Variants in ANO6 observed in about 807,000 individuals in gnomAD.
ANO6 encodes the protein anoctamin 6, also known as anoctamin-6.
In ANO6, 106 loss-of-function variants were observed where a neutral mutation model predicts 117.5. The observed-to-expected ratio is 0.90, with a 90% CI of 0.77 to 1.06. ANO6 has a LOEUF of 1.06. Ranked by LOEUF, ANO6 falls within the 50% of genes least tolerant of loss-of-function variation. ANO6 has a pLI of 0.00. For synonymous variants in ANO6, 367 were observed against 385.1 expected, an observed-to-expected ratio of 0.95 and a Z score of 0.55; for missense variants, 955 against 1,121.1, an observed-to-expected ratio of 0.85 and a Z score of 2.12.
intron 1 of ANO6, among the ~76,000 whole-genome samples, chr12:45,235,161 G>A (rs1301918247): frequency 6.6e-6 from 1 of 152,226 alleles, no homozygotes; most frequent in African/African-American, 2.4e-5. Flanking sequence ...CCTCTCCAAT[G>A]TGGTGCTACT....
At chr12:45,228,364 CTT>C (rs1003674992) in intron 1 of ANO6, 3 of 231,500 alleles carry the variant, frequency 1.3e-5, no homozygotes, top group Non-Finnish European at 2.4e-5. Flanking sequence ...GTCCCAAACT[CTT>C]GGGCTCAAGC....
At position 45,421,275 on chromosome 12, in the gene ANO6, C is replaced by G; in HGVS notation, c.2420+2C>G. 6.2e-7 allele frequency: 1 copy of G among 1,613,692 alleles called. No homozygotes were observed. Among genetic ancestry groups the G allele is most frequent in the Non-Finnish European group, 8.5e-7 (1 of 1,179,730 alleles). On this transcript the variant is annotated splice_donor_variant, in intron 18 of 19. Coordinates refer to ENST00000320560, the MANE Select transcript of ANO6 (RefSeq NM_001025356.3). LOFTEE classifies it high-confidence loss of function. ...CCTGGGTAACCATACCACATGCAGG[C>G]AAGTTCTGCTTTACTTGTTTAAAAA...
chr12:45,363,969 G>GACTAATATAGCAGGTCTCTGCCA (rs1318065555), intron 8 of ANO6, among the ~76,000 whole-genome samples: 10 of 152,198 alleles, frequency 6.6e-5, no homozygotes, highest in Non-Finnish European at 1.3e-4. Flanking sequence ...TGTGAAAACA[G>GACTAATATAGCAGGTCTCTGCCA]ACTAATATAG....
exon 20 of ANO6, chr12:45,439,699 G>A: frequency 1.3e-6 from 2 of 1,515,380 alleles, no homozygotes; most frequent in Non-Finnish European, 1.8e-6. Flanking sequence ...GCCCAGGCTG[G>A]GACACAGTGG....
At chr12:45,287,458 A>G (rs914482932) in intron 1 of ANO6, among the ~76,000 whole-genome samples, 2 of 152,210 alleles carry the variant, frequency 1.3e-5, no homozygotes, top group Non-Finnish European at 2.9e-5. Flanking sequence ...ATGCGTTCAT[A>G]TATGAAAAGG....
intron 1 of ANO6, among the ~76,000 whole-genome samples, chr12:45,290,650 C>T (rs1939064221): frequency 6.6e-6 from 1 of 152,194 alleles, no homozygotes; most frequent in African/African-American, 2.4e-5. Context: ...TATAGAATAT[C>T]AGCTGTCTAA....
chr12:45,430,939 A>G lies in ANO6; in HGVS notation c.*1628A>G, dbSNP rs1943616998. 6 of 985,324 alleles carry G rather than the reference A, an allele frequency of 6.1e-6. No individual in the cohort carries two copies. Among genetic ancestry groups the G allele is most frequent in the Admixed American group, 6.1e-5 (1 of 16,264 alleles). The allele number at this position is 985,324 out of a possible 1,614,324, so 61.0% of individuals were successfully genotyped here. The stretch of plus-strand genomic sequence containing the variant: ...ATGCTGTTAAACACCAGAGGAGCCA[A>G]CCTATCAGAATCCCAGCAGCAAAGG... On this transcript the variant is annotated 3_prime_UTR_variant, in exon 20 of 20. Coordinates refer to ENST00000320560, the MANE Select transcript of ANO6 (RefSeq NM_001025356.3).
downstream of ANO6, among the ~76,000 whole-genome samples, chr12:45,435,008 C>G (rs1242275033): frequency 6.6e-6 from 1 of 152,202 alleles, no homozygotes; most frequent in Non-Finnish European, 1.5e-5. Context: ...CACTGAAAGC[C>G]TAGAACAGAA....
At position 45,347,022 on chromosome 12, in the gene ANO6, A is replaced by G; in HGVS notation, c.280A>G (p.Arg94Gly). Reference protein sequence around the residue: ...NKKGTNEKQRRKRQAYESNLI... With the variant: ...NKKGTNEKQRGKRQAYESNLI... ...CATATATTCCAACTTCTTTTGACAG[A>G]GGAAAAGACAAGCATACGAATCTAA... Residue 94 changes from arginine (R) to glycine (G), a missense_variant and splice_region_variant, in exon 4 of 20, where the codon AGG (arginine) becomes GGG (glycine). Coordinates refer to ENST00000320560, the MANE Select transcript of ANO6 (RefSeq NM_001025356.3). The G allele has an allele frequency of 6.2e-7, 1 of 1,614,024 alleles. No individual in the cohort carries two copies. The highest frequency in any genetic ancestry group is 8.5e-7 in the Non-Finnish European group (1 of 1,179,916).
At chr12:45,365,575 A>G (rs1364681146) in intron 8 of ANO6, among the ~76,000 whole-genome samples, 1 of 152,204 alleles carries the variant, frequency 6.6e-6, no homozygotes, top group African/African-American at 2.4e-5. Context: ...AGGCAGGTCA[A>G]ATAGTAAGAC....
At chr12:45,373,990 A>G (rs1354529537) in intron 9 of ANO6, among the ~76,000 whole-genome samples, 10 of 152,222 alleles carry the variant, frequency 6.6e-5, no homozygotes, top group Non-Finnish European at 1.3e-4. Flanking sequence ...AGAAGAATCA[A>G]AGAGACGCAA....
rs114902091 is a variant in ANO6, at chr12:45,304,726, T to G, written c.150+2633T>G. The stretch of plus-strand genomic sequence containing the variant: ...TAGTTCATTTCCTTCAGAATTTCTG[T>G]TTTTCTTTCCTTTGAAACGAGACCT... On this transcript the variant is annotated intron_variant, in intron 2 of 19. Coordinates refer to ENST00000320560, the MANE Select transcript of ANO6 (RefSeq NM_001025356.3). 3.7e-3 allele frequency among the ~76,000 whole-genome samples: 561 copies of G among 152,322 alleles called. 7 individuals carry two copies. The highest frequency in any genetic ancestry group is 0.013 in the African/African-American group (546 of 41,564).
At chr12:45,349,988 C>G (rs1002967183) in intron 6 of ANO6, among the ~76,000 whole-genome samples, 1 of 152,022 alleles carries the variant, frequency 6.6e-6, no homozygotes, top group Non-Finnish European at 1.5e-5. Flanking sequence ...ACAAATGGTC[C>G]CATGTGGTAT....
intron 9 of ANO6, 88 bp downstream of exon 9, chr12:45,367,881 T>A: frequency 2.0e-6 from 2 of 984,310 alleles, no homozygotes; most frequent in Non-Finnish European, 3.2e-6. Context: ...TGTATCTTTT[T>A]TCCTCTGAGG....
rs1045967179 is a variant in ANO6 at position 45,418,618 on chromosome 12, C to A, written c.2217+1714C>A. ...AGAAAATTCAGTTGACTCAAACTCT[C>A]CCTATTCCTCAAGCATTCTAGATTG... On this transcript the variant is annotated intron_variant, in intron 17 of 19. Coordinates refer to ENST00000320560, the MANE Select transcript of ANO6 (RefSeq NM_001025356.3). Among the ~76,000 whole-genome samples the A allele has an allele frequency of 3.3e-5, 5 of 152,174 alleles. No homozygotes were observed. In the South Asian group the frequency reaches 6.2e-4, roughly 19 times the overall value.
chr12:45,257,377 C>CTGA lies in ANO6; in HGVS notation c.70+40989_70+40991dup, dbSNP rs535445669. The stretch of plus-strand genomic sequence containing the variant: ...CTGCCCGTCCTGGGGCCACCCCAGT[C>CTGA]TGATGTGCCACAGACTCTTCAGCAC... On this transcript the variant is annotated intron_variant, in intron 1 of 19. Transcript: ENST00000320560. Among the ~76,000 whole-genome samples, 532 of 152,316 alleles carry CTGA rather than the reference C, an allele frequency of 3.5e-3. 1 individual carries two copies. The highest frequency in any genetic ancestry group is 0.01 in the Middle Eastern group (3 of 294).
chr12:45,319,717 G>A (rs1345665376), intron 2 of ANO6, among the ~76,000 whole-genome samples: 1 of 152,124 alleles, frequency 6.6e-6, no homozygotes. Flanking sequence ...TGTACCTCTG[G>A]TAGAATTCGG....
At chr12:45,262,061 C>A (rs754529355) in intron 1 of ANO6, among the ~76,000 whole-genome samples, 1 of 152,130 alleles carries the variant, frequency 6.6e-6, no homozygotes, top group Non-Finnish European at 1.5e-5. Context: ...TGCTTGATGT[C>A]TTTTTCCAAT....
At chr12:45,225,614 G>A (rs145910168) in intron 1 of ANO6, among the ~76,000 whole-genome samples, 2,720 of 151,736 alleles carry the variant, frequency 0.018, 76 homozygotes, top group African/African-American at 0.062. Flanking sequence ...TCAGCCTCCC[G>A]AGTAGCTGGG....
Sources: gnomAD v4.1 joint callset for allele counts (sites outside exome capture counted in the v4.1 genomes callset) on GRCh38, gnomAD v4.1.1 for gene constraint, MANE v1.5 for transcripts, NCBI Gene and HGNC (gene_info 2026-07-23, HGNC 2026-07-21) for gene names.